SV2C: variants seen among roughly 807,000 people sequenced by gnomAD.
SV2C encodes synaptic vesicle glycoprotein 2C.
In SV2C, 49 loss-of-function variants were observed where a neutral mutation model predicts 79.7. The observed-to-expected ratio is 0.61, with a 90% confidence interval of 0.49 to 0.78. The LOEUF (loss-of-function observed/expected upper bound fraction) is 0.78, where lower values mean the gene tolerates loss of function less well. Among genes scored for constraint, SV2C ranks in the 30% least tolerant of loss-of-function variants. The probability of loss-of-function intolerance (pLI) is 0.00; values close to 1 mark genes in which losing one functional copy is unlikely to be tolerated. For synonymous variants in SV2C, 334 were observed against 333.2 expected, an observed-to-expected ratio of 1.00 and a Z score of -0.03; for missense variants, 833 against 912.9, an observed-to-expected ratio of 0.91 and a Z score of 1.13.
rs758060857 is a variant in SV2C, at chr5:76,333,372, A to G, written c.*7825A>G. Reference sequence around the variant, plus strand: ...GATCATATGTCTTTTGTTACTATCTAGATACACTAAATAACATGATAGAAG... The same window carrying G: ...GATCATATGTCTTTTGTTACTATCTGGATACACTAAATAACATGATAGAAG... On this transcript the variant is annotated 3_prime_UTR_variant, in exon 13 of 13. Coordinates refer to ENST00000502798, the MANE Select transcript of SV2C (RefSeq NM_014979.4). 2 of 152,232 alleles carry G rather than the reference A, an allele frequency of 1.3e-5. No individual in the cohort carries two copies. The highest frequency in any genetic ancestry group is 2.9e-5 in the Non-Finnish European group (2 of 68,048). The allele number at this position is 152,232 out of a possible 1,614,324, so 9.4% of individuals were successfully genotyped here.
At chr5:76,025,885 CTG>C in the SV2C span, among the ~76,000 whole-genome samples, 1 of 152,110 alleles carries the variant, frequency 6.6e-6, no homozygotes, top group Non-Finnish European at 1.5e-5. Flanking sequence ...ACAACAAACA[CTG>C]GGAAATTTTA....
intron 1 of SV2C, among the ~76,000 whole-genome samples, chr5:76,119,645 T>C (rs1256834068): frequency 6.6e-6 from 1 of 151,458 alleles, no homozygotes; most frequent in Non-Finnish European, 1.5e-5. Context: ...ACAGAAAAAC[T>C]AATTGAGAAG....
rs150645815 is a variant in SV2C at position 76,252,847 on chromosome 5, T to C, written c.914-32315T>C. Among the ~76,000 whole-genome samples the C allele has an allele frequency of 3.6e-4, 55 of 152,364 alleles. No individual in the cohort carries two copies. In the East Asian group the frequency reaches 9.6e-3, roughly 27 times the overall value. On this transcript the variant is annotated intron_variant, in intron 4 of 12. Coordinates refer to ENST00000502798, the MANE Select transcript of SV2C (RefSeq NM_014979.4). ...ATGAGTAAGAATTAATGACAAACTC[T>C]GTCTCATTCTATCAACAAGTAATAT...
chr5:75,859,547 G>A, the SV2C span, among the ~76,000 whole-genome samples: 29 of 152,038 alleles, frequency 1.9e-4, no homozygotes, highest in East Asian at 3.9e-4. Context: ...TTTCTGGAGC[G>A]CCAGATGAGT....
chr5:76,046,642 A>G, the SV2C span, among the ~76,000 whole-genome samples: 3 of 152,198 alleles, frequency 2.0e-5, no homozygotes, highest in African/African-American at 7.2e-5. Flanking sequence ...GCCAAGACAT[A>G]AATAAGCGCT....
chr5:75,938,490 A>G, the SV2C span, among the ~76,000 whole-genome samples: 1 of 152,236 alleles, frequency 6.6e-6, no homozygotes, highest in Admixed American at 6.5e-5. Flanking sequence ...AAACACGACT[A>G]CACGGAATAA....
chr5:76,076,060 G>A, the SV2C span: 1 of 152,514 alleles, frequency 6.6e-6, no homozygotes, highest in African/African-American at 2.4e-5. Flanking sequence ...AGTTATATTT[G>A]GTTGTGCTAT....
At chr5:76,124,698 A>T (rs1748643382) in intron 1 of SV2C, among the ~76,000 whole-genome samples, 1 of 152,194 alleles carries the variant, frequency 6.6e-6, no homozygotes. Context: ...ACTATTTTTC[A>T]CAGAGGCTGT....
intron 4 of SV2C, among the ~76,000 whole-genome samples, chr5:76,284,736 A>G (rs1747295624): frequency 6.6e-6 from 1 of 152,178 alleles, no homozygotes; most frequent in African/African-American, 2.4e-5. Context: ...CCTTTATTCA[A>G]ACTTAGCTAC....
chr5:76,247,887 G>A (rs1156777197), intron 4 of SV2C, among the ~76,000 whole-genome samples: 1 of 152,046 alleles, frequency 6.6e-6, no homozygotes, highest in Non-Finnish European at 1.5e-5. Context: ...TAAATAATAA[G>A]GCATGCAAAA....
At chr5:76,294,387 C>T (rs1176897243) in intron 8 of SV2C, among the ~76,000 whole-genome samples, 4 of 149,934 alleles carry the variant, frequency 2.7e-5, no homozygotes, top group Admixed American at 6.7e-5. Flanking sequence ...CTGCAACCTC[C>T]GACTCCCTGG....
At chr5:76,048,704 T>C in the SV2C span, among the ~76,000 whole-genome samples, 1 of 150,962 alleles carries the variant, frequency 6.6e-6, no homozygotes, top group African/African-American at 2.4e-5. Context: ...TTTGCACACA[T>C]AGAGGAAAGA....
chr5:76,076,797 C>G, the SV2C span, among the ~76,000 whole-genome samples: 2 of 152,150 alleles, frequency 1.3e-5, no homozygotes, highest in Non-Finnish European at 2.9e-5. Context: ...TTTCAGCAGT[C>G]CCCTATATTG....
chr5:75,937,559 C>T, the SV2C span, among the ~76,000 whole-genome samples: 1 of 151,934 alleles, frequency 6.6e-6, no homozygotes, highest in African/African-American at 2.4e-5. Flanking sequence ...AAATAAATAA[C>T]TTAGCCCAGC....
chr5:76,238,985 A>G (rs1452712731), intron 4 of SV2C, among the ~76,000 whole-genome samples: 1 of 152,126 alleles, frequency 6.6e-6, no homozygotes. Context: ...CAGGTTTTCG[A>G]TGAATTTCAT....
the SV2C span, among the ~76,000 whole-genome samples, chr5:75,950,159 A>T: frequency 6.6e-6 from 1 of 152,060 alleles, no homozygotes; most frequent in East Asian, 1.9e-4. Context: ...CCAAGAGGGA[A>T]TATAGTAGCT....
the SV2C span, among the ~76,000 whole-genome samples, chr5:75,925,159 C>T: frequency 6.6e-6 from 1 of 152,102 alleles, no homozygotes; most frequent in African/African-American, 2.4e-5. Flanking sequence ...AAATAAATCC[C>T]CCAGTCCTGG....
chr5:76,114,065 C>T (rs1218524885), intron 1 of SV2C, among the ~76,000 whole-genome samples: 3 of 152,174 alleles, frequency 2.0e-5, no homozygotes. Flanking sequence ...TAAATGAATG[C>T]TCCAGTTCTC....
the SV2C span, chr5:75,911,595 G>A: frequency 6.3e-4 from 432 of 684,490 alleles, 3 homozygotes; most frequent in African/African-American, 5.9e-3. Context: ...TACAAAAGAA[G>A]CCAGTAAGAA....
Sources: gnomAD v4.1 joint callset for allele counts (sites outside exome capture counted in the v4.1 genomes callset) on GRCh38, gnomAD v4.1.1 for gene constraint, MANE v1.5 for transcripts, NCBI Gene and HGNC (gene_info 2026-07-23, HGNC 2026-07-21) for gene names.